Variants in ZNF732 observed in about 807,000 individuals in gnomAD.
ZNF732 encodes the protein zinc finger protein LOC654254.
A neutral mutation model predicts 11.5 loss-of-function variants in ZNF732; 12 were observed. The observed-to-expected ratio is 1.05, with a 90% CI of 0.67 to 1.70. The LOEUF (loss-of-function observed/expected upper bound fraction) is 1.70. Among genes scored for constraint, ZNF732 ranks in the 40% most tolerant of loss-of-function variants. The pLI, the probability that ZNF732 is intolerant of heterozygous loss-of-function variation, is 0.00. For synonymous variants in ZNF732, 231 were observed against 236.5 expected (o/e 0.98, Z 0.21); for missense variants, 702 against 676.9 (o/e 1.04, Z -0.41).
intron 3 of ZNF732, among the ~76,000 whole-genome samples, chr4:289,174 TAAAAG>T (rs1440891750): frequency 1.3e-5 from 2 of 152,202 alleles, no homozygotes; most frequent in African/African-American, 4.8e-5. Flanking sequence ...CTTTAGTTAT[TAAAAG>T]AAAACTGCAG....
intron 3 of ZNF732, among the ~76,000 whole-genome samples, chr4:277,651 TGTAA>T (rs1553838959): frequency 2.6e-5 from 4 of 151,934 alleles, no homozygotes; most frequent in East Asian, 1.9e-4. Context: ...ACGGTAAAAC[TGTAA>T]GTTAGTAGAG....
At chr4:299,372 TATATATATATACACATATGTAC>T (rs1720033467) in intron 1 of ZNF732, among the ~76,000 whole-genome samples, 1 of 54,990 alleles carries the variant, frequency 1.8e-5, no homozygotes, top group Non-Finnish European at 3.7e-5. Context: ...CACATATGTG[TATATATATATACACATATGTAC>T]ACATATGTGT....
At chr4:297,123 C>A (rs1446010087) in intron 1 of ZNF732, among the ~76,000 whole-genome samples, 1 of 152,090 alleles carries the variant, frequency 6.6e-6, no homozygotes, top group Admixed American at 6.6e-5. Context: ...CAAAAATTAA[C>A]CAGGCATAGT....
Position 299,486 on chromosome 4 carries a change from CAT to C in ZNF732, c.4-3333_4-3332del, listed in dbSNP as rs1248893477. Among the ~76,000 whole-genome samples the C allele has an allele frequency of 9.2e-4, 93 of 100,914 alleles. 5 individuals are homozygous for C. Among genetic ancestry groups the C allele is most frequent in the Non-Finnish European group, 1.4e-3 (74 of 51,610 alleles). 66.2% of individuals were successfully genotyped at this position (100,914 alleles called of 152,430 possible). ...GTATATATATATACACATATATACACATATGTGTGTATATATACACACATATA... is the reference window on the plus strand; with the variant it reads ...GTATATATATATACACATATATACACATGTGTGTATATATACACACATATA... On this transcript the variant is annotated intron_variant, in intron 1 of 3. Coordinates refer to ENST00000419098, the MANE Select transcript of ZNF732 (RefSeq NM_001137608.3).
At chr4:278,560 T>C (rs1719548549) in intron 3 of ZNF732, among the ~76,000 whole-genome samples, 2 of 152,320 alleles carry the variant, frequency 1.3e-5, no homozygotes, top group Non-Finnish European at 1.5e-5. Flanking sequence ...CCCAGCACTG[T>C]TTCAAAGAAA....
Position 272,165 on chromosome 4 carries a change from A to G in ZNF732, c.692T>C (p.Ile231Thr), listed in dbSNP as rs782721854. The G allele has an allele frequency of 1.2e-6, 2 of 1,612,090 alleles. No homozygotes were observed. Among genetic ancestry groups the G allele is most frequent in the Non-Finnish European group, 1.7e-6 (2 of 1,179,090 alleles). The change falls in exon 4 of 4, where the codon ATC (isoleucine) becomes ACC (threonine). Residue 231 changes from isoleucine (I) to threonine (T), a missense_variant. This residue lies in a region of ZNF732 where 596 missense variants were observed against 557.9 expected (regional missense o/e 1.07). Coordinates refer to ENST00000419098, the MANE Select transcript of ZNF732 (RefSeq NM_001137608.3). ...AGCAAAGTTTGAGGATGTGGTAAAGATGTTGCCACATTCTTCACATGTGAA... is the reference window on the plus strand; with the variant it reads ...AGCAAAGTTTGAGGATGTGGTAAAGGTGTTGCCACATTCTTCACATGTGAA... ...KPFTCEECGN[I>T]FTTSSNFAKH...
intron 1 of ZNF732, among the ~76,000 whole-genome samples, chr4:304,583 G>C (rs1414552480): frequency 6.6e-6 from 1 of 151,662 alleles, no homozygotes; most frequent in African/African-American, 2.4e-5. Flanking sequence ...CCCTGCAGAC[G>C]GCAGTCCCTG....
chr4:299,421 A>ATGTGTG (rs1720043106), intron 1 of ZNF732, among the ~76,000 whole-genome samples: 2 of 107,830 alleles, frequency 1.9e-5, no homozygotes, highest in African/African-American at 3.6e-5. Context: ...ATATACACAT[A>ATGTGTG]TATACACATA....
chr4:302,083 TAGA>T (rs1463116448), intron 1 of ZNF732, among the ~76,000 whole-genome samples: 8 of 152,056 alleles, frequency 5.3e-5, no homozygotes, highest in African/African-American at 7.2e-5. Context: ...CGACTGTAGA[TAGA>T]AGGAGAGACC....
intron 3 of ZNF732, among the ~76,000 whole-genome samples, chr4:284,743 C>T (rs1289113507): frequency 1.3e-5 from 2 of 151,120 alleles, no homozygotes; most frequent in African/African-American, 4.9e-5. Flanking sequence ...TGGTGGCGGG[C>T]ACTTGTAAAC....
intron 3 of ZNF732, among the ~76,000 whole-genome samples, chr4:292,139 T>C (rs1362460411): frequency 6.6e-6 from 1 of 152,340 alleles, no homozygotes; most frequent in East Asian, 1.9e-4. Flanking sequence ...GCCCTGTTGA[T>C]ACTGGCTTTG....
At chr4:284,906 G>C (rs1162042440) in intron 3 of ZNF732, among the ~76,000 whole-genome samples, 1 of 129,462 alleles carries the variant, frequency 7.7e-6, no homozygotes, top group African/African-American at 2.8e-5. Flanking sequence ...AGAAGAAAAA[G>C]AAACAAACAA....
At chr4:296,262 A>G in intron 1 of ZNF732, 107 bp from the exon 2 acceptor site, 1 of 1,435,510 alleles carries the variant, frequency 7.0e-7, no homozygotes, top group Non-Finnish European at 9.4e-7. Context: ...ATCTGATAAA[A>G]TAACTTTCAA....
intron 3 of ZNF732, among the ~76,000 whole-genome samples, chr4:294,739 C>G (rs1553841900): frequency 1.3e-5 from 2 of 152,182 alleles, no homozygotes. Flanking sequence ...TGGCTCAAGA[C>G]AATTCTTCCA....
chr4:294,726 G>A (rs1308758362), intron 3 of ZNF732, among the ~76,000 whole-genome samples: 4 of 152,200 alleles, frequency 2.6e-5, no homozygotes, highest in East Asian at 3.9e-4. Flanking sequence ...TGTATTTCAC[G>A]TGTGGCTCAA....
Position 296,092 on chromosome 4 carries a change from G to A in ZNF732, c.67C>T (p.Pro23Ser), listed in dbSNP as rs782530299. ...FSPEEWKCLD[P>S]AQQNLYRDVM... ...TCTCTATACAAATTCTGCTGGGCAG[G>A]GTCCAGGCATTTCCACTCTTCTGGA... The change falls in exon 2 of 4, where the codon CCT (proline) becomes TCT (serine). Residue 23 changes from proline (P) to serine (S), a missense_variant. Physicochemically the swap from Pro to Ser is moderately conservative, Grantham distance 74 (BLOSUM62 -1). Around this residue, in one of 3 missense-constraint regions of ZNF732, gnomAD observed 596 missense variants for 557.9 expected, o/e 1.07. Coordinates refer to ENST00000419098, the MANE Select transcript of ZNF732 (RefSeq NM_001137608.3). 6.2e-7 allele frequency: 1 copy of A among 1,613,832 alleles called. No homozygotes were observed. Among genetic ancestry groups the A allele is most frequent in the Admixed American group, 1.7e-5 (1 of 59,964 alleles).
chr4:296,272 A>G, intron 1 of ZNF732, 117 bp from the exon 2 acceptor site: 1 of 1,370,104 alleles, frequency 7.3e-7, no homozygotes, highest in Non-Finnish European at 9.9e-7. Flanking sequence ...ATAACTTTCA[A>G]CACAGTAATG....
intron 3 of ZNF732, among the ~76,000 whole-genome samples, chr4:295,131 C>G (rs1328426906): frequency 6.6e-6 from 1 of 152,126 alleles, no homozygotes; most frequent in Non-Finnish European, 1.5e-5. Context: ...CCTCAATATA[C>G]ACATATTCCT....
Position 271,991 on chromosome 4 carries a change from G to A in ZNF732, c.866C>T (p.Ser289Leu), listed in dbSNP as rs1330716098. 1 of 1,607,172 alleles carries A rather than the reference G, an allele frequency of 6.2e-7. No homozygotes were observed. The highest frequency in any genetic ancestry group is 2.2e-5 in the East Asian group (1 of 44,690). ...CTTATGTTTGGCAACATTTGAGGAT[G>A]AGGTAATGATTTTGCCACATTCTTC... is the stretch of plus-strand genomic sequence containing the variant. ...TCEECGKIIT[S>L]SSNVAKHKKI... The change falls in exon 4 of 4, where the codon TCA (serine) becomes TTA (leucine). Residue 289 changes from serine (S) to leucine (L), a missense_variant. Physicochemically the swap from Ser to Leu is moderately radical, Grantham distance 145. Coordinates refer to ENST00000419098, the MANE Select transcript of ZNF732 (RefSeq NM_001137608.3).
Sources: allele counts gnomAD v4.1 joint callset (sites outside exome capture counted in the v4.1 genomes callset), GRCh38; gene constraint gnomAD v4.1.1; regional missense constraint gnomAD v4.1.1; transcripts MANE v1.5; gene names NCBI Gene and HGNC (gene_info 2026-07-23, HGNC 2026-07-21).